SGMS1: variants seen among roughly 807,000 people sequenced by gnomAD.
SGMS1 encodes the protein phosphatidylcholine:ceramide cholinephosphotransferase 1.
In SGMS1, 13 loss-of-function variants were observed where a neutral mutation model predicts 46.2. The ratio of observed to expected loss-of-function variants is 0.28; its 90% CI spans 0.18 to 0.45. SGMS1 has a LOEUF of 0.45. SGMS1 is among the 20% of genes least tolerant of loss of function. SGMS1 has a pLI of 1.00. For synonymous variants in SGMS1, 203 were observed against 187.8 expected, an observed-to-expected ratio of 1.08 and a Z score of -0.66; for missense variants, 324 against 519.9, an observed-to-expected ratio of 0.62 and a Z score of 3.66.
intron 2 of SGMS1, among the ~76,000 whole-genome samples, chr10:50,582,497 C>T (rs377388332): frequency 2.0e-5 from 3 of 152,226 alleles, no homozygotes; most frequent in Non-Finnish European, 2.9e-5. Context: ...TCACACCACA[C>T]TGAAGGGTTC....
intron 1 of SGMS1, among the ~76,000 whole-genome samples, chr10:50,617,511 A>C (rs1379751468): frequency 6.6e-6 from 1 of 152,208 alleles, no homozygotes; most frequent in Non-Finnish European, 1.5e-5. Context: ...TACATCTGTC[A>C]AAAGTAATCA....
At chr10:50,545,980 C>T (rs989967261) in intron 2 of SGMS1, among the ~76,000 whole-genome samples, 1 of 152,136 alleles carries the variant, frequency 6.6e-6, no homozygotes, top group African/African-American at 2.4e-5. Flanking sequence ...TACAAAAACT[C>T]TAGTTACTTA....
chr10:50,616,264 G>C (rs986120367), intron 1 of SGMS1, among the ~76,000 whole-genome samples: 3 of 151,960 alleles, frequency 2.0e-5, no homozygotes, highest in Non-Finnish European at 4.4e-5. Context: ...GGGACTACAG[G>C]TGCACACCAC....
intron 6 of SGMS1, among the ~76,000 whole-genome samples, chr10:50,351,226 A>G (rs1848006694): frequency 6.6e-6 from 1 of 152,186 alleles, no homozygotes; most frequent in Non-Finnish European, 1.5e-5. Context: ...AATTTCCCCC[A>G]TTTGGAAATG....
intron 5 of SGMS1, among the ~76,000 whole-genome samples, chr10:50,440,489 A>G (rs1849530600): frequency 6.6e-6 from 1 of 152,128 alleles, no homozygotes; most frequent in Admixed American, 6.5e-5. Flanking sequence ...TAACCCCTCC[A>G]TGATTTAAAT....
intron 6 of SGMS1, among the ~76,000 whole-genome samples, chr10:50,393,877 C>A (rs561102468): frequency 9.3e-4 from 141 of 152,304 alleles, no homozygotes; most frequent in African/African-American, 2.9e-3. Flanking sequence ...CAAGCCCCAA[C>A]CAAGGGGATT....
intron 2 of SGMS1, among the ~76,000 whole-genome samples, 186 bp from the exon 3 acceptor site, chr10:50,520,107 G>C (rs988475835): frequency 1.3e-5 from 2 of 152,066 alleles, no homozygotes; most frequent in Non-Finnish European, 2.9e-5. Context: ...CTATTAACAG[G>C]GGCAGGGCAC....
At chr10:50,485,673 G>T (rs1178477738) in intron 3 of SGMS1, among the ~76,000 whole-genome samples, 1 of 152,202 alleles carries the variant, frequency 6.6e-6, no homozygotes, top group African/African-American at 2.4e-5. Flanking sequence ...GCCAAGGCAG[G>T]TGGATCGCTT....
intron 3 of SGMS1, among the ~76,000 whole-genome samples, chr10:50,515,576 A>T (rs560305079): frequency 2.5e-4 from 38 of 152,348 alleles, no homozygotes; most frequent in African/African-American, 9.1e-4. Flanking sequence ...TTGCCTGAGC[A>T]GTGTGCCATA....
chr10:50,450,648 T>C (rs1013593331), intron 5 of SGMS1, among the ~76,000 whole-genome samples: 4 of 152,074 alleles, frequency 2.6e-5, no homozygotes, highest in Non-Finnish European at 5.9e-5. Flanking sequence ...ATATAGGAAG[T>C]TAATATAAAA....
At chr10:50,549,400 A>G (rs990462837) in intron 2 of SGMS1, among the ~76,000 whole-genome samples, 3 of 152,224 alleles carry the variant, frequency 2.0e-5, no homozygotes, top group Non-Finnish European at 4.4e-5. Context: ...AGGGACACAC[A>G]TGGCATTGGA....
chr10:50,414,621 TATTAC>T (rs1174441894), intron 6 of SGMS1, among the ~76,000 whole-genome samples: 1 of 152,214 alleles, frequency 6.6e-6, no homozygotes, highest in Non-Finnish European at 1.5e-5. Context: ...AGGTAGGTAT[TATTAC>T]TATTATTTGT....
rs67951872 is a variant in SGMS1, at chr10:50,365,255, C to CAAA, written c.-231-20913_-231-20911dup. Among the ~76,000 whole-genome samples, 104 of 44,994 alleles carry CAAA rather than the reference C, an allele frequency of 2.3e-3. 4 individuals are homozygous for CAAA. The highest frequency in any genetic ancestry group is 2.7e-3 in the Non-Finnish European group (64 of 23,354). 29.5% of individuals were successfully genotyped at this position (44,994 alleles called of 152,430 possible). Reference sequence around the variant, plus strand: ...GCGACGGAGTGAGACTCCATCTCACCAAAAAAAAAAAAAAAAAAAAAAAGC... The same window carrying CAAA: ...GCGACGGAGTGAGACTCCATCTCACCAAAAAAAAAAAAAAAAAAAAAAAAAAGC... On this transcript the variant is annotated intron_variant, in intron 6 of 10. Coordinates refer to ENST00000361781, the MANE Select transcript of SGMS1 (RefSeq NM_147156.4).
intron 3 of SGMS1, among the ~76,000 whole-genome samples, chr10:50,491,058 C>T (rs1455894075): frequency 6.6e-6 from 1 of 152,102 alleles, no homozygotes; most frequent in Non-Finnish European, 1.5e-5. Flanking sequence ...AAAAAAAAAG[C>T]AGCAGCAGCC....
chr10:50,321,732 A>G (rs1847449204), intron 8 of SGMS1, among the ~76,000 whole-genome samples: 2 of 152,224 alleles, frequency 1.3e-5, no homozygotes, highest in South Asian at 4.1e-4. Flanking sequence ...TAAGGTTAGC[A>G]GGAGCTAATC....
intron 3 of SGMS1, among the ~76,000 whole-genome samples, chr10:50,493,263 T>C (rs1449815373): frequency 6.6e-6 from 1 of 152,168 alleles, no homozygotes; most frequent in Non-Finnish European, 1.5e-5. Flanking sequence ...TGGCTAGCCA[T>C]ATGCAGAAGA....
In SGMS1 at chr10:50,306,981, G is replaced by A. The variant is rs1564869232; in HGVS notation, c.*161C>T. ...TGTTGTCCAACGCAGGTCCTTTGGA[G>A]AGAAAAAAAGATCACAGTGCTGACC... On this transcript the variant is annotated 3_prime_UTR_variant, in exon 11 of 11. Coordinates refer to ENST00000361781, the MANE Select transcript of SGMS1 (RefSeq NM_147156.4). 14 of 683,800 alleles carry A rather than the reference G, an allele frequency of 2.0e-5. No homozygotes were observed. In the East Asian group the frequency reaches 3.8e-4, roughly 19 times the overall value. The allele number at this position is 683,800 out of a possible 1,614,324, so 42.4% of individuals were successfully genotyped here. A position where few individuals can be genotyped will look rare whatever the true frequency, so the allele number is the denominator to read the frequency against.
At chr10:50,357,796 A>AT (rs1041450710) in intron 6 of SGMS1, among the ~76,000 whole-genome samples, 32 of 152,158 alleles carry the variant, frequency 2.1e-4, no homozygotes, top group African/African-American at 5.8e-4. Flanking sequence ...AATTTTTATG[A>AT]TTTTTTAAGG....
At chr10:50,612,194 C>T (rs1838756385) in intron 1 of SGMS1, among the ~76,000 whole-genome samples, 1 of 152,246 alleles carries the variant, frequency 6.6e-6, no homozygotes, top group Non-Finnish European at 1.5e-5. Flanking sequence ...ACCTGCCAAG[C>T]TTAGCTGAGG....
Sources: allele counts gnomAD v4.1 joint callset (sites outside exome capture counted in the v4.1 genomes callset), GRCh38; gene constraint gnomAD v4.1.1; transcripts MANE v1.5; gene names NCBI Gene and HGNC (gene_info 2026-07-23, HGNC 2026-07-21).